PLPP3: variants seen among roughly 807,000 people sequenced by gnomAD.
PLPP3 encodes phospholipid phosphatase 3.
PLPP3 carries 6 observed loss-of-function variants against 29.6 expected under a neutral mutation model. That is an observed-to-expected ratio of 0.20 (90% CI 0.11 to 0.40). PLPP3 has a LOEUF of 0.40. PLPP3 is among the 10% of genes least tolerant of loss of function. The pLI, the probability that PLPP3 is intolerant of heterozygous loss-of-function variation, is 1.00. For missense variants in PLPP3, 308 were observed against 407.7 expected (o/e 0.76, Z 2.11); for synonymous variants, 152 against 159.7 (o/e 0.95, Z 0.36).
intron 1 of PLPP3, among the ~76,000 whole-genome samples, chr1:56,540,649 C>A (rs1188602477): frequency 6.6e-6 from 1 of 151,988 alleles, no homozygotes; most frequent in African/African-American, 2.4e-5. Flanking sequence ...GAAAGGCATG[C>A]AGATGGCATT....
Position 56,523,737 on chromosome 1 carries a change from G to A in PLPP3, c.633+86C>T, listed in dbSNP as rs1009085057. The A allele has an allele frequency of 2.9e-6, 4 of 1,396,138 alleles. No individual in the cohort carries two copies. The African/African-American group carries it at 5.7e-5, about 20-fold the overall frequency. The allele number at this position is 1,396,138 out of a possible 1,614,324, so 86.5% of individuals were successfully genotyped here. A position where few individuals can be genotyped will look rare whatever the true frequency, so the allele number is the denominator to read the frequency against. ...TTCAAGGATTTCACAGTGATGGCATGCCCCTAAACTATTTTGAGGGCTATC... is the reference window on the plus strand; with the variant it reads ...TTCAAGGATTTCACAGTGATGGCATACCCCTAAACTATTTTGAGGGCTATC... On this transcript the variant is annotated intron_variant, in intron 4 of 5. Coordinates refer to ENST00000371250, the MANE Select transcript of PLPP3 (RefSeq NM_003713.5).
At chr1:56,577,633 C>A (rs746166294) in intron 1 of PLPP3, among the ~76,000 whole-genome samples, 3 of 152,132 alleles carry the variant, frequency 2.0e-5, no homozygotes, top group Admixed American at 1.3e-4. Context: ...TCTGCATGGA[C>A]AAATCCATTT....
At chr1:56,554,651 TTC>T (rs920467291) in intron 1 of PLPP3, among the ~76,000 whole-genome samples, 2 of 152,146 alleles carry the variant, frequency 1.3e-5, no homozygotes, top group Non-Finnish European at 2.9e-5. Flanking sequence ...ATTCATGGTC[TTC>T]TCTCAAAATA....
At chr1:56,565,889 T>C (rs1646158090) in intron 1 of PLPP3, among the ~76,000 whole-genome samples, 1 of 152,230 alleles carries the variant, frequency 6.6e-6, no homozygotes, top group Non-Finnish European at 1.5e-5. Context: ...AGAAGACATC[T>C]GTACTTACCA....
chr1:56,562,917 G>C (rs901337384), intron 1 of PLPP3, among the ~76,000 whole-genome samples: 5 of 152,174 alleles, frequency 3.3e-5, no homozygotes, highest in Non-Finnish European at 7.3e-5. Flanking sequence ...GGGAGAGATA[G>C]GCAGTGGACT....
At chr1:56,506,989 C>T (rs1645706357) in intron 5 of PLPP3, among the ~76,000 whole-genome samples, 1 of 152,178 alleles carries the variant, frequency 6.6e-6, no homozygotes, top group African/African-American at 2.4e-5. Context: ...GTGTTGAGTT[C>T]ATGACACTGT....
chr1:56,518,530 G>A (rs1645797437), intron 4 of PLPP3, among the ~76,000 whole-genome samples: 1 of 152,100 alleles, frequency 6.6e-6, no homozygotes. Flanking sequence ...AAAAAGTTCT[G>A]ATCAGAATGG....
At chr1:56,508,261 G>C (rs1207424728) in intron 5 of PLPP3, among the ~76,000 whole-genome samples, 1 of 152,172 alleles carries the variant, frequency 6.6e-6, no homozygotes, top group African/African-American at 2.4e-5. Flanking sequence ...AGGTGAAGGG[G>C]TGGAGAGATG....
In PLPP3 at chr1:56,539,319, A is replaced by G. The variant is rs1426692037; in HGVS notation, c.140-2207T>C. Among the ~76,000 whole-genome samples, 4 of 152,244 alleles carry G rather than the reference A, an allele frequency of 2.6e-5. 1 individual carries two copies. Among genetic ancestry groups the G allele is most frequent in the South Asian group, 4.1e-4 (2 of 4,834 alleles). ...AAGTCCCAGACCACCTCTAAAAAAA[A>G]GTACCATGAACTCCACAATTTTTCA... On this transcript the variant is annotated intron_variant, in intron 1 of 5. Coordinates refer to ENST00000371250, the MANE Select transcript of PLPP3 (RefSeq NM_003713.5).
In PLPP3 at chr1:56,496,616, T is replaced by C. The variant is rs146593813; in HGVS notation, c.871A>G (p.Ile291Val). Residue 291 changes from isoleucine (I) to valine (V), a missense_variant, in exon 6 of 6, where the codon ATC (isoleucine) becomes GTC (valine). This residue lies in a region of PLPP3 where 232 missense variants were observed against 317.2 expected (regional missense o/e 0.73). Coordinates refer to ENST00000371250, the MANE Select transcript of PLPP3 (RefSeq NM_003713.5). ...ACAGGTGAAAGGATTTCCTTCCGGATAGCAGGGGCAGGCAGGGAGAGCGTC... is the reference window on the plus strand; with the variant it reads ...ACAGGTGAAAGGATTTCCTTCCGGACAGCAGGGGCAGGCAGGGAGAGCGTC... The part of the protein sequence containing the change: ...KTTLSLPAPA[I>V]RKEILSPVDI... 76 of 1,613,828 alleles carry C rather than the reference T, an allele frequency of 4.7e-5. No individual in the cohort carries two copies. The highest frequency in any genetic ancestry group is 2.0e-4 in the African/African-American group (15 of 74,902).
intron 5 of PLPP3, among the ~76,000 whole-genome samples, chr1:56,505,124 T>A (rs1320621529): frequency 6.6e-6 from 1 of 152,236 alleles, no homozygotes; most frequent in Admixed American, 6.5e-5. Context: ...CTGCACTAGA[T>A]AAGCTCTTTA....
At chr1:56,516,524 C>T (rs11206834) in intron 4 of PLPP3, among the ~76,000 whole-genome samples, 10 of 152,040 alleles carry the variant, frequency 6.6e-5, no homozygotes, top group Non-Finnish European at 1.0e-4. Context: ...CTGGACAAAA[C>T]CTGAAAGTCT....
Position 56,561,004 on chromosome 1 carries a change from AT to A in PLPP3, c.139+17873del, listed in dbSNP as rs375933115. Among the ~76,000 whole-genome samples the A allele has an allele frequency of 4.8e-3, 641 of 133,186 alleles. 2 individuals carry two copies. Among genetic ancestry groups the A allele is most frequent in the African/African-American group, 6.4e-3 (229 of 35,624 alleles). The allele number at this position is 133,186 out of a possible 152,430, so 87.4% of individuals were successfully genotyped here. On this transcript the variant is annotated intron_variant, in intron 1 of 5. Transcript: ENST00000371250. The stretch of plus-strand genomic sequence containing the variant: ...AGGCGCCTGCCACCATGCCCGGGTA[AT>A]TTTTTTTTTTTTTTTGTATTTTTAG...
In PLPP3 at chr1:56,579,563, T is replaced by G. The variant is rs1352766659; in HGVS notation, c.-547A>C. ...GCTGTGATCGCCTGGGTTTGTTTTC[T>G]GCACTTTTATTTCACGAGGTCCTTT... On this transcript the variant is annotated 5_prime_UTR_variant, in exon 1 of 6. Coordinates refer to ENST00000371250, the MANE Select transcript of PLPP3 (RefSeq NM_003713.5). The G allele has an allele frequency of 6.2e-6, 1 of 162,502 alleles. No homozygotes were observed. Among genetic ancestry groups the G allele is most frequent in the African/African-American group, 2.4e-5 (1 of 41,498 alleles). The allele number at this position is 162,502 out of a possible 1,614,324, so 10.1% of individuals were successfully genotyped here.
intron 1 of PLPP3, among the ~76,000 whole-genome samples, chr1:56,570,339 G>A (rs535106459): frequency 1.9e-4 from 29 of 152,238 alleles, no homozygotes; most frequent in Admixed American, 3.3e-4. Flanking sequence ...ATGACAAGGC[G>A]CTTATAATGA....
chr1:56,536,205 T>A (rs981007080), intron 2 of PLPP3, among the ~76,000 whole-genome samples: 2 of 152,226 alleles, frequency 1.3e-5, no homozygotes, highest in Non-Finnish European at 2.9e-5. Flanking sequence ...TACATGATAC[T>A]GTGCAATTAT....
At chr1:56,570,301 A>T (rs1325010954) in intron 1 of PLPP3, among the ~76,000 whole-genome samples, 2 of 152,218 alleles carry the variant, frequency 1.3e-5, no homozygotes, top group African/African-American at 4.8e-5. Flanking sequence ...AGGGATACAT[A>T]AACAGGAACC....
chr1:56,531,810 G>A (rs1645890508), intron 2 of PLPP3, among the ~76,000 whole-genome samples: 1 of 152,096 alleles, frequency 6.6e-6, no homozygotes. Context: ...TCCCTCATTT[G>A]TCAAATGTGG....
chr1:56,566,935 T>G (rs1190436379), intron 1 of PLPP3, among the ~76,000 whole-genome samples: 1 of 152,074 alleles, frequency 6.6e-6, no homozygotes, highest in Non-Finnish European at 1.5e-5. Flanking sequence ...TATCCAGAGG[T>G]GGGGAAAAGG....
Sources: gnomAD v4.1 joint callset for allele counts (sites outside exome capture counted in the v4.1 genomes callset) on GRCh38, gnomAD v4.1.1 for gene constraint, gnomAD v4.1.1 regional missense constraint, MANE v1.5 for transcripts, NCBI Gene and HGNC (gene_info 2026-07-23, HGNC 2026-07-21) for gene names.